Variants in PLPPR2 observed in about 807,000 individuals in gnomAD.
The protein encoded by PLPPR2 is phospholipid phosphatase-related protein type 2.
Under a neutral mutation model 40.3 loss-of-function variants are expected in PLPPR2, and 11 were observed. The observed-to-expected ratio is 0.27, with a 90% CI of 0.17 to 0.45. The LOEUF (loss-of-function observed/expected upper bound fraction) is 0.45. PLPPR2 is among the 20% of genes least tolerant of loss of function. The pLI is 1.00. For missense variants in PLPPR2, 497 were observed against 640.7 expected (o/e 0.78, Z 2.42); for synonymous variants, 260 against 290.8 (o/e 0.89, Z 1.08).
Position 11,364,851 on chromosome 19 carries a change from C to G in PLPPR2, c.*161C>G. On this transcript the variant is annotated 3_prime_UTR_variant, in exon 10 of 10. Coordinates refer to ENST00000688289, the MANE Select transcript of PLPPR2 (RefSeq NM_001393892.1). The surrounding 1 kb of genome is among the most constrained non-coding windows in gnomAD (Gnocchi z 5.8). ...GGACATTTAGGAGACATCTGCCTCT[C>G]TGGCCCTCTGAGATATCCCGATGGG... 3 of 800,576 alleles carry G rather than the reference C, an allele frequency of 3.7e-6. No homozygotes were observed. Among genetic ancestry groups the G allele is most frequent in the African/African-American group, 1.7e-5 (1 of 58,148 alleles). 49.6% of individuals were successfully genotyped at this position (800,576 alleles called of 1,614,324 possible). A position where few individuals can be genotyped will look rare whatever the true frequency, so the allele number is the denominator to read the frequency against.
At position 11,358,881 on chromosome 19, in the gene PLPPR2, A is replaced by T. The variant is rs317917; in HGVS notation, c.67-651A>T. On this transcript the variant is annotated intron_variant, in intron 3 of 9. Coordinates refer to ENST00000688289, the MANE Select transcript of PLPPR2 (RefSeq NM_001393892.1). ...AGGCGTCTGCCACCATACCCAGCTA[A>T]TTTTTGTATTTTTAGTAGAGACAGG... 5.5e-3 allele frequency among the ~76,000 whole-genome samples: 829 copies of T among 151,574 alleles called. 9 individuals are homozygous for T. The highest frequency in any genetic ancestry group is 0.019 in the African/African-American group (791 of 41,254).
At chr19:11,357,585 A>G in intron 2 of PLPPR2, 75 bp from the exon 3 acceptor site, 1 of 1,120,044 alleles carries the variant, frequency 8.9e-7, no homozygotes, top group Non-Finnish European at 1.3e-6. Flanking sequence ...CAGGGGATGA[A>G]GCCAGGGTCC....
rs1429058780 is a variant in PLPPR2 at position 11,355,481 on chromosome 19, C to T, written c.-281C>T. The T allele has an allele frequency of 6.6e-6, 1 of 152,364 alleles. No individual in the cohort carries two copies. 9.4% of individuals were successfully genotyped at this position (152,364 alleles called of 1,614,324 possible). Reference sequence around the variant, plus strand: ...GCCGACCGCGTCTCGGTCTTCGCGTCTGCCAGCCTGGCTGGCAGTCCGTCT... The same window carrying T: ...GCCGACCGCGTCTCGGTCTTCGCGTTTGCCAGCCTGGCTGGCAGTCCGTCT... On this transcript the variant is annotated 5_prime_UTR_variant, in exon 1 of 10. Coordinates refer to ENST00000688289, the MANE Select transcript of PLPPR2 (RefSeq NM_001393892.1).
chr19:11,357,768 C>A (rs760937385), intron 3 of PLPPR2, 29 bp downstream of exon 3: 3 of 1,561,028 alleles, frequency 1.9e-6, no homozygotes, highest in South Asian at 1.2e-5. Flanking sequence ...CTCCCAGAGA[C>A]GGCGTGCCTA....
At position 11,361,234 on chromosome 19, in the gene PLPPR2, C is replaced by T; in HGVS notation, c.409C>T (p.Leu137Phe). 3 of 1,611,088 alleles carry T rather than the reference C, an allele frequency of 1.9e-6. No homozygotes were observed. Among genetic ancestry groups the T allele is most frequent in the Non-Finnish European group, 2.5e-6 (3 of 1,179,706 alleles). Residue 137 changes from leucine to phenylalanine, a missense_variant, in exon 6 of 10, where the codon CTC becomes TTC. By Grantham distance (22) the Leu-to-Phe change is conservative (BLOSUM62 0). Transcript: ENST00000688289. The surrounding 1 kb of genome is among the most constrained non-coding windows in gnomAD (Gnocchi z 6.3). ...ACCCCTAGGGGTCTACTCCTTCGGC[C>T]TCTTCACCACGACCATCTTCGCCAA... ...VRFLGVYSFGLFTTTIFANAG... is the reference protein window; with the variant it reads ...VRFLGVYSFGFFTTTIFANAG...
chr19:11,357,837 T>C, intron 3 of PLPPR2, 98 bp downstream of exon 3: 1 of 940,868 alleles, frequency 1.1e-6, no homozygotes, highest in Non-Finnish European at 1.6e-6. Context: ...ATCTCTGGGA[T>C]CTCCCTTGCT....
chr19:11,356,754 C>G (rs1433693667), intron 1 of PLPPR2, 48 bp from the exon 2 acceptor site: 3 of 152,806 alleles, frequency 2.0e-5, no homozygotes, highest in Non-Finnish European at 4.4e-5. Context: ...ATGGGTGACT[C>G]TGGGTATCTA....
rs1043034192 is a variant in PLPPR2 at position 11,356,960 on chromosome 19, A to T, written c.-31A>T. Reference sequence around the variant, plus strand: ...GCGTGGATGCAGCCTGGGGGAAGCCATAGGGCGCTTTCACAGGTGAGATGG... The same window carrying T: ...GCGTGGATGCAGCCTGGGGGAAGCCTTAGGGCGCTTTCACAGGTGAGATGG... On this transcript the variant is annotated 5_prime_UTR_variant, in exon 2 of 10. Coordinates refer to ENST00000688289, the MANE Select transcript of PLPPR2 (RefSeq NM_001393892.1). The T allele has an allele frequency of 3.3e-5, 5 of 153,240 alleles. No individual in the cohort carries two copies. Among genetic ancestry groups the T allele is most frequent in the African/African-American group, 1.2e-4 (5 of 41,392 alleles). The allele number at this position is 153,240 out of a possible 1,614,324, so 9.5% of individuals were successfully genotyped here.
chr19:11,356,426 A>G (rs1266859601), intron 1 of PLPPR2, among the ~76,000 whole-genome samples: 1 of 126,048 alleles, frequency 7.9e-6, no homozygotes, highest in Non-Finnish European at 1.6e-5. Context: ...GGGTCTCCTG[A>G]CATGTCTCTC....
Position 11,361,233 on chromosome 19 carries a change from C to G in PLPPR2, c.408C>G (p.Gly136=). 6.2e-7 allele frequency: 1 copy of G among 1,610,730 alleles called. No homozygotes were observed. ...CACCCCTAGGGGTCTACTCCTTCGG[C>G]CTCTTCACCACGACCATCTTCGCCA... ...LVRFLGVYSF[G]LFTTTIFANA... is the part of the protein sequence containing the mutation. The change falls in exon 6 of 10, where the codon GGC becomes GGG. Residue 136 remains glycine (G), a synonymous_variant. Transcript: ENST00000688289. The surrounding 1 kb of genome is among the most constrained non-coding windows in gnomAD (Gnocchi z 6.3).
At chr19:11,356,190 G>A (rs1052580174) in intron 1 of PLPPR2, among the ~76,000 whole-genome samples, 2 of 151,986 alleles carry the variant, frequency 1.3e-5, no homozygotes, top group African/African-American at 2.4e-5. Context: ...GGTTGTAGAT[G>A]GCACCTTGTC....
intron 5 of PLPPR2, among the ~76,000 whole-genome samples, chr19:11,360,763 C>T (rs1157545924): frequency 6.6e-6 from 1 of 151,958 alleles, no homozygotes; most frequent in East Asian, 1.9e-4. Flanking sequence ...TAATGATGGT[C>T]CCAGGGCAGA....
intron 3 of PLPPR2, 101 bp downstream of exon 3, chr19:11,357,840 C>G (rs980266222): frequency 2.3e-6 from 2 of 872,402 alleles, no homozygotes; most frequent in Admixed American, 3.0e-5. Context: ...TCTGGGATCT[C>G]CCTTGCTGTC....
chr19:11,359,771 G>A lies in PLPPR2; in HGVS notation c.256-50G>A. On this transcript the variant is annotated intron_variant, in intron 4 of 9. Transcript: ENST00000688289. This position sits in a 1 kb window ranked among gnomAD's most constrained non-coding sequence, Gnocchi z 5.6. ...GGCAGGTGGGCCGGTAAGGGTGGGT[G>A]AGGGGATGGGCTGGAAGGCCAGAAG... The A allele has an allele frequency of 6.3e-7, 1 of 1,585,282 alleles. No homozygotes were observed. Among genetic ancestry groups the A allele is most frequent in the Non-Finnish European group, 8.6e-7 (1 of 1,160,388 alleles).
Position 11,362,818 on chromosome 19 carries a change from T to G in PLPPR2, c.840+129T>G, listed in dbSNP as rs576529728. 75 of 1,010,210 alleles carry G rather than the reference T, an allele frequency of 7.4e-5. 1 individual carries two copies. The highest frequency in any genetic ancestry group is 1.0e-4 in the Non-Finnish European group (71 of 710,790). The allele number at this position is 1,010,210 out of a possible 1,614,324, so 62.6% of individuals were successfully genotyped here. A position where few individuals can be genotyped will look rare whatever the true frequency, so the allele number is the denominator to read the frequency against. ...TTGGGCCAATCCCTTAACATTACCC[T>G]TCCTGGATATTCTCATCTGTGAAAT... On this transcript the variant is annotated intron_variant, in intron 7 of 9. Coordinates refer to ENST00000688289, the MANE Select transcript of PLPPR2 (RefSeq NM_001393892.1). This position sits in a 1 kb window ranked among gnomAD's most constrained non-coding sequence, Gnocchi z 5.3.
Position 11,357,719 on chromosome 19 carries a change from C to T in PLPPR2, c.46C>T (p.Pro16Ser). 6.2e-7 allele frequency: 1 copy of T among 1,606,670 alleles called. No individual in the cohort carries two copies. The highest frequency in any genetic ancestry group is 8.5e-7 in the Non-Finnish European group (1 of 1,176,124). ...PHLKRSFSII[P>S]CFVFVESVLL... The stretch of plus-strand genomic sequence containing the variant: ...TCTGAAGAGGAGTTTCTCCATCATC[C>T]CCTGCTTTGTCTTCGTGGAGGTGAG... The change falls in exon 3 of 10, where the codon CCC becomes TCC. Residue 16 changes from proline to serine, a missense_variant. By Grantham distance (74) the Pro-to-Ser change is moderately conservative (BLOSUM62 -1). Coordinates refer to ENST00000688289, the MANE Select transcript of PLPPR2 (RefSeq NM_001393892.1).
At position 11,363,925 on chromosome 19, in the gene PLPPR2, G is replaced by A; in HGVS notation, c.963+90G>A. 5.4e-6 allele frequency: 8 copies of A among 1,480,346 alleles called. No individual in the cohort carries two copies. Among genetic ancestry groups the A allele is most frequent in the Non-Finnish European group, 7.3e-6 (8 of 1,097,932 alleles). The allele number at this position is 1,480,346 out of a possible 1,614,324, so 91.7% of individuals were successfully genotyped here. On this transcript the variant is annotated intron_variant, in intron 8 of 9. Transcript: ENST00000688289. The surrounding 1 kb of genome is among the most constrained non-coding windows in gnomAD (Gnocchi z 4.8). ...GGAAGGAAGTCAGGCAAGAGGTGGG[G>A]GTCTCAGAACCATGGGGAAGTGGAG...
chr19:11,359,889 G>C lies in PLPPR2; in HGVS notation c.324G>C (p.Glu108Asp). ...CTTCAGCCGTCCCAGTCATCGGGGAGAGCACCATCGTGTCTGGGGCCTGCT... is the reference window on the plus strand; with the variant it reads ...CTTCAGCCGTCCCAGTCATCGGGGACAGCACCATCGTGTCTGGGGCCTGCT... Reference protein sequence around the residue: ...APPSAVPVIGESTIVSGACCR... With the variant: ...APPSAVPVIGDSTIVSGACCR... Residue 108 changes from glutamate to aspartate, a missense_variant, in exon 5 of 10, where the codon GAG becomes GAC. Coordinates refer to ENST00000688289, the MANE Select transcript of PLPPR2 (RefSeq NM_001393892.1). This position sits in a 1 kb window ranked among gnomAD's most constrained non-coding sequence, Gnocchi z 5.6. 1.9e-6 allele frequency: 3 copies of C among 1,613,846 alleles called. No homozygotes were observed. Among genetic ancestry groups the C allele is most frequent in the Non-Finnish European group, 2.5e-6 (3 of 1,179,858 alleles).
rs549429642 is a variant in PLPPR2, at chr19:11,360,729, A to G, written c.392-488A>G. Among the ~76,000 whole-genome samples, 271 of 152,154 alleles carry G rather than the reference A, an allele frequency of 1.8e-3. 3 individuals carry two copies. Among genetic ancestry groups the G allele is most frequent in the African/African-American group, 6.4e-3 (267 of 41,506 alleles). On this transcript the variant is annotated intron_variant, in intron 5 of 9. Transcript: ENST00000688289. ...CAGCCTCAAGTAGTGGCTGTGGGAA[A>G]GGGGGAGGGGCAGACCTTACCTATA...
Sources: allele counts gnomAD v4.1 joint callset (sites outside exome capture counted in the v4.1 genomes callset), GRCh38; gene constraint gnomAD v4.1.1; non-coding constraint Gnocchi (gnomAD v3.1); transcripts MANE v1.5; gene names NCBI Gene and HGNC (gene_info 2026-07-23, HGNC 2026-07-21).